ARHGAP39: variants seen among roughly 807,000 people sequenced by gnomAD.
ARHGAP39 encodes the protein rho GTPase-activating protein 39.
ARHGAP39 carries 44 observed loss-of-function variants against 106.9 expected under a neutral mutation model. The observed-to-expected ratio is 0.41, with a 90% CI of 0.32 to 0.53. ARHGAP39 has a LOEUF of 0.53. Among genes scored for constraint, ARHGAP39 ranks in the 20% least tolerant of loss-of-function variants. ARHGAP39 has a pLI of 0.21. For synonymous variants in ARHGAP39, 768 were observed against 693.2 expected (o/e 1.11, Z -1.69); for missense variants, 1,496 against 1,577.3 (o/e 0.95, Z 0.87).
intron 1 of ARHGAP39, among the ~76,000 whole-genome samples, chr8:144,640,876 T>C (rs928259798): frequency 4.6e-5 from 7 of 152,218 alleles, no homozygotes; most frequent in African/African-American, 1.7e-4. Context: ...GAAGCCACGT[T>C]TTCCGATTCA....
At chr8:144,587,518 G>C (rs115426231) in intron 2 of ARHGAP39, among the ~76,000 whole-genome samples, 1,607 of 152,326 alleles carry the variant, frequency 0.011, 27 homozygotes, top group African/African-American at 0.035. Flanking sequence ...TAATGCTGAA[G>C]GATAGAGGGA....
chr8:144,537,894 TGA>T (rs1817028700), intron 6 of ARHGAP39, 81 bp from the exon 7 acceptor site: 1 of 1,292,072 alleles, frequency 7.7e-7, no homozygotes, highest in Non-Finnish European at 1.1e-6. Flanking sequence ...ACTTGGCTGG[TGA>T]GCAGGCCCCT....
In ARHGAP39 at chr8:144,548,277, C is replaced by G. The variant is rs759671244; in HGVS notation, c.809G>C (p.Arg270Thr). 10 of 1,608,802 alleles carry G rather than the reference C, an allele frequency of 6.2e-6. No homozygotes were observed. Among genetic ancestry groups the G allele is most frequent in the Non-Finnish European group, 8.5e-6 (10 of 1,177,778 alleles). The change falls in exon 5 of 12, where the codon AGG (arginine) becomes ACG (threonine). Residue 270 changes from arginine to threonine, a missense_variant. Arg to Thr is a moderately conservative substitution (Grantham distance 71). This residue lies in a region of ARHGAP39 where 905 missense variants were observed against 816.4 expected (regional missense o/e 1.11). Coordinates refer to ENST00000377307, the MANE Select transcript of ARHGAP39 (RefSeq NM_025251.3). The surrounding 1 kb of genome is among the most constrained non-coding windows in gnomAD (Gnocchi z 7.4). ...CCTCTTCAGGAAGGGTGACGGCCTC[C>G]TCTCTGGGAAGAAGATGGTGCCGTC... is the stretch of plus-strand genomic sequence containing the variant. ...EADGTIFFPE[R>T]RPSPFLKRAE...
At chr8:144,677,661 C>T (rs912607207) in intron 1 of ARHGAP39, among the ~76,000 whole-genome samples, 2 of 152,002 alleles carry the variant, frequency 1.3e-5, no homozygotes, top group African/African-American at 4.8e-5. Flanking sequence ...GGTTCAGAAA[C>T]TTTTTAAAAA....
At chr8:144,656,909 G>A (rs992458735) in intron 1 of ARHGAP39, among the ~76,000 whole-genome samples, 49 of 149,096 alleles carry the variant, frequency 3.3e-4, no homozygotes, top group Middle Eastern at 3.6e-3. Context: ...TTAATTAGAC[G>A]AAATGGATAA....
rs1163995447 is a variant in ARHGAP39, at chr8:144,540,719, G to A, written c.2522-2906C>T. Among the ~76,000 whole-genome samples the A allele has an allele frequency of 2.0e-5, 3 of 152,142 alleles. 1 individual carries two copies. The highest frequency in any genetic ancestry group is 4.1e-4 in the South Asian group (2 of 4,830). ...GGAGGCTGAGGTGGGAGGATCCCAC[G>A]AGCCTGAGAGGTGGAGGCTACAGTG... On this transcript the variant is annotated intron_variant, in intron 6 of 11. Coordinates refer to ENST00000377307, the MANE Select transcript of ARHGAP39 (RefSeq NM_025251.3).
chr8:144,686,581 C>A (rs1292442424), upstream of ARHGAP39, among the ~76,000 whole-genome samples: 2 of 152,176 alleles, frequency 1.3e-5, no homozygotes, highest in Non-Finnish European at 2.9e-5. Context: ...CTGAAAGGCC[C>A]CCGTCAAAAG....
chr8:144,600,508 C>A (rs1416985568), intron 2 of ARHGAP39, among the ~76,000 whole-genome samples: 1 of 121,044 alleles, frequency 8.3e-6, no homozygotes, highest in Non-Finnish European at 1.7e-5. Context: ...GGGTACCTAC[C>A]TGCGTGTGCG....
At chr8:144,582,364 T>C (rs2130902858) in intron 2 of ARHGAP39, among the ~76,000 whole-genome samples, 1 of 152,274 alleles carries the variant, frequency 6.6e-6, no homozygotes, top group Non-Finnish European at 1.5e-5. Context: ...CACCTGCTCG[T>C]AGGACACCAA....
intron 3 of ARHGAP39, among the ~76,000 whole-genome samples, chr8:144,574,184 T>G (rs7014011): frequency 0.092 from 12,643 of 137,332 alleles, 1,321 homozygotes; most frequent in African/African-American, 0.26. Context: ...AAGATGAAGA[T>G]GAGGAGGAGG....
At chr8:144,686,891 G>A (rs113416523), upstream of ARHGAP39, among the ~76,000 whole-genome samples, 2 of 145,366 alleles carry the variant, frequency 1.4e-5, no homozygotes, top group Admixed American at 1.4e-4. Flanking sequence ...CACACTGGCG[G>A]CGAGCACTTC....
intron 1 of ARHGAP39, among the ~76,000 whole-genome samples, chr8:144,623,537 G>A (rs1459020294): frequency 1.3e-5 from 2 of 152,230 alleles, no homozygotes; most frequent in East Asian, 1.9e-4. Flanking sequence ...CGCGACTGGC[G>A]AGGCGACCCA....
chr8:144,568,333 C>CAAAAA (rs34670018), intron 3 of ARHGAP39, among the ~76,000 whole-genome samples: 28 of 47,068 alleles, frequency 5.9e-4, no homozygotes, highest in Admixed American at 1.4e-3. Flanking sequence ...GACTCTGTCT[C>CAAAAA]AAAAAAAAAA....
Position 144,581,262 on chromosome 8 carries a change from C to T in ARHGAP39, c.96G>A (p.Glu32=), listed in dbSNP as rs1011374851. Residue 32 remains glutamate, a synonymous_variant, in exon 3 of 12, where the codon GAG becomes GAA. Transcript: ENST00000377307. ...GCTCGCGGGTGCGCGGTTCGATGAT[C>T]TCCACCCACTCCAACCTGGGGAGAG... ...PGSNTRLEWV[E]IIEPRTRERM... 1 of 1,548,138 alleles carries T rather than the reference C, an allele frequency of 6.5e-7. No homozygotes were observed. Among genetic ancestry groups the T allele is most frequent in the Non-Finnish European group, 8.7e-7 (1 of 1,146,440 alleles).
chr8:144,537,588 G>T (rs1817010551), intron 7 of ARHGAP39, 133 bp downstream of exon 7: 1 of 795,118 alleles, frequency 1.3e-6, no homozygotes, highest in Non-Finnish European at 2.0e-6. Context: ...TCGCTCAGGA[G>T]GCCACAGGCC....
At chr8:144,537,990 G>A (rs1014115157) in intron 6 of ARHGAP39, among the ~76,000 whole-genome samples, 177 bp from the exon 7 acceptor site, 5 of 152,198 alleles carry the variant, frequency 3.3e-5, no homozygotes, top group Admixed American at 1.3e-4. Flanking sequence ...GAGAGGTGCC[G>A]GGGGCCCTTC....
intron 3 of ARHGAP39, among the ~76,000 whole-genome samples, chr8:144,579,546 C>A (rs539326518): frequency 1.3e-5 from 2 of 152,176 alleles, no homozygotes; most frequent in Admixed American, 6.5e-5. Context: ...ACCTGATTTG[C>A]CCCACCTCCT....
intron 2 of ARHGAP39, among the ~76,000 whole-genome samples, chr8:144,587,678 G>A (rs1350559424): frequency 2.0e-5 from 3 of 148,600 alleles, no homozygotes; most frequent in African/African-American, 5.0e-5. Flanking sequence ...TTTTTGAGAC[G>A]GAGTCTCGCT....
upstream of ARHGAP39, among the ~76,000 whole-genome samples, chr8:144,687,948 C>T (rs1358904059): frequency 7.3e-6 from 1 of 136,834 alleles, no homozygotes; most frequent in Non-Finnish European, 1.7e-5. Context: ...CGTGACCACA[C>T]ATTTACAGTG....
Sources: allele counts gnomAD v4.1 joint callset (sites outside exome capture counted in the v4.1 genomes callset), GRCh38; gene constraint gnomAD v4.1.1; regional missense constraint gnomAD v4.1.1; non-coding constraint Gnocchi (gnomAD v3.1); transcripts MANE v1.5; gene names NCBI Gene and HGNC (gene_info 2026-07-23, HGNC 2026-07-21).